The following PCDHA3 variants were observed in gnomAD, a reference collection of about 807,000 sequenced individuals.
The protein encoded by PCDHA3 is protocadherin alpha 3.
In PCDHA3, 41 loss-of-function variants were observed where a neutral mutation model predicts 62.2. The observed-to-expected ratio is 0.66, with a 90% CI of 0.51 to 0.86. The LOEUF is 0.86. Ranked by LOEUF, PCDHA3 falls within the 40% of genes least tolerant of loss-of-function variation. PCDHA3 has a pLI of 0.00. For synonymous variants in PCDHA3, 640 were observed against 555.4 expected, an observed-to-expected ratio of 1.15 and a Z score of -2.14; for missense variants, 1,304 against 1,241.2, an observed-to-expected ratio of 1.05 and a Z score of -0.76.
chr5:140,957,968 T>C (rs1276763203), intron 1 of PCDHA3, among the ~76,000 whole-genome samples: 1 of 152,154 alleles, frequency 6.6e-6, no homozygotes, highest in Non-Finnish European at 1.5e-5. Flanking sequence ...TCAGAGATGC[T>C]GTATAAATAG....
intron 1 of PCDHA3, among the ~76,000 whole-genome samples, chr5:140,914,386 G>A (rs565819670): frequency 2.6e-5 from 4 of 152,216 alleles, no homozygotes; most frequent in East Asian, 1.9e-4. Flanking sequence ...TGTTATAAGT[G>A]TAGTTACCCC....
At chr5:140,833,033 G>T (rs892689957) in intron 1 of PCDHA3, among the ~76,000 whole-genome samples, 2 of 152,156 alleles carry the variant, frequency 1.3e-5, no homozygotes, top group Non-Finnish European at 2.9e-5. Flanking sequence ...GAGAGAGTGT[G>T]ATATAAAGCA....
At chr5:140,875,868 G>A (rs781927681) in intron 1 of PCDHA3, 3 of 1,614,210 alleles carry the variant, frequency 1.9e-6, no homozygotes, top group Non-Finnish European at 8.5e-7. Context: ...ACCCGCCGGT[G>A]TTCAGAGAAA....
At chr5:140,926,775 G>A (rs1563083910) in intron 1 of PCDHA3, 7 of 1,391,106 alleles carry the variant, frequency 5.0e-6, no homozygotes, top group East Asian at 2.6e-5. Context: ...GCCCGCAGCA[G>A]TGACGGCCGG....
At chr5:140,947,371 A>G (rs1468768080) in intron 1 of PCDHA3, among the ~76,000 whole-genome samples, 1 of 151,626 alleles carries the variant, frequency 6.6e-6, no homozygotes, top group Non-Finnish European at 1.5e-5. Context: ...CCTTTGATCT[A>G]TATGTTTATC....
intron 1 of PCDHA3, chr5:140,808,873 G>T (rs782251323): frequency 3.7e-6 from 6 of 1,613,080 alleles, no homozygotes; most frequent in Non-Finnish European, 5.1e-6. Flanking sequence ...ACGACAACGC[G>T]CCAGCACTGC....
intron 1 of PCDHA3, chr5:140,861,445 G>T (rs1196401790): frequency 2.0e-6 from 1 of 494,332 alleles, no homozygotes; most frequent in Non-Finnish European, 4.2e-6. Flanking sequence ...AAAAGCCGCA[G>T]AAACCTTCTG....
At chr5:140,838,077 AGTGTGTGTGTG>A (rs1775481751) in intron 1 of PCDHA3, among the ~76,000 whole-genome samples, 1 of 80,664 alleles carries the variant, frequency 1.2e-5, no homozygotes, top group East Asian at 3.3e-4. Context: ...ATATATATAT[AGTGTGTGTGTG>A]TGTGTGTGTG....
intron 1 of PCDHA3, among the ~76,000 whole-genome samples, chr5:140,936,918 T>C (rs2091208385): frequency 6.6e-6 from 1 of 152,198 alleles, no homozygotes; most frequent in Non-Finnish European, 1.5e-5. Flanking sequence ...CTGTAGAAAA[T>C]ATGGGGTATA....
chr5:140,890,319 A>C (rs2062592452), intron 1 of PCDHA3, among the ~76,000 whole-genome samples: 1 of 152,206 alleles, frequency 6.6e-6, no homozygotes, highest in Admixed American at 6.5e-5. Context: ...AGTTGTTTTA[A>C]GATATTAGGT....
At chr5:140,923,275 C>T (rs1296197801) in intron 1 of PCDHA3, among the ~76,000 whole-genome samples, 1 of 152,128 alleles carries the variant, frequency 6.6e-6, no homozygotes, top group African/African-American at 2.4e-5. Flanking sequence ...CTTGTCTCTA[C>T]AAAAAATTAA....
intron 1 of PCDHA3, among the ~76,000 whole-genome samples, chr5:140,949,594 G>C (rs914390039): frequency 6.6e-6 from 1 of 151,450 alleles, no homozygotes; most frequent in African/African-American, 2.4e-5. Context: ...ATATTAATGT[G>C]GCCATTCTAG....
At position 140,822,970 on chromosome 5, in the gene PCDHA3, A is replaced by C. The variant is rs2150120845; in HGVS notation, c.2394+19379A>C. 1.5e-5 allele frequency: 24 copies of C among 1,614,206 alleles called. No individual in the cohort carries two copies. The East Asian group carries it at 5.1e-4, about 34-fold the overall frequency. The stretch of plus-strand genomic sequence containing the variant: ...CCACGTTCCCTTCAAGCTGGTGTCC[A>C]CCTTCAAGAATTACTACTCGTTGGT... On this transcript the variant is annotated intron_variant, in intron 1 of 3. Transcript: ENST00000522353.
chr5:140,881,886 C>G (rs2058857922), intron 1 of PCDHA3, among the ~76,000 whole-genome samples: 1 of 152,170 alleles, frequency 6.6e-6, no homozygotes, highest in African/African-American at 2.4e-5. Flanking sequence ...AACTCATCAA[C>G]CAATTGTCAG....
At chr5:140,898,906 G>A (rs199581699) in intron 1 of PCDHA3, among the ~76,000 whole-genome samples, 45,464 of 151,416 alleles carry the variant, frequency 0.3, 7,269 homozygotes, top group East Asian at 0.52. Context: ...GGTCCTTCAC[G>A]TCCCTTGTAA....
chr5:140,838,331 C>G (rs1343104365), intron 1 of PCDHA3, among the ~76,000 whole-genome samples: 1 of 149,420 alleles, frequency 6.7e-6, no homozygotes, highest in Admixed American at 6.6e-5. Flanking sequence ...ACCATGTTGC[C>G]CCGGCTGGTC....
rs1291498310 is a variant in PCDHA3, at chr5:140,946,680, G to A, written c.2395-32269G>A. Among the ~76,000 whole-genome samples, 6 of 145,092 alleles carry A rather than the reference G, an allele frequency of 4.1e-5. No homozygotes were observed. In the East Asian group the frequency reaches 9.9e-4, roughly 24 times the overall value. On this transcript the variant is annotated intron_variant, in intron 1 of 3. Coordinates refer to ENST00000522353, the MANE Select transcript of PCDHA3 (RefSeq NM_018906.3). ...TAGAAAGAATGAAATCCTGTCATTCGTGACAATATGGATGAATCTGGAGGT... is the reference window on the plus strand; with the variant it reads ...TAGAAAGAATGAAATCCTGTCATTCATGACAATATGGATGAATCTGGAGGT...
chr5:140,932,261 T>C (rs1554208805), intron 1 of PCDHA3, among the ~76,000 whole-genome samples: 1 of 151,922 alleles, frequency 6.6e-6, no homozygotes, highest in East Asian at 1.9e-4. Context: ...CTCTGAGATA[T>C]AAATTTCTAC....
At chr5:140,857,085 C>T in intron 1 of PCDHA3, 2 of 1,596,752 alleles carry the variant, frequency 1.3e-6, no homozygotes, top group Non-Finnish European at 8.6e-7. Context: ...AATGATAATT[C>T]ACCTGAGGTG....
Sources: gnomAD v4.1 joint callset for allele counts (sites outside exome capture counted in the v4.1 genomes callset) on GRCh38, gnomAD v4.1.1 for gene constraint, MANE v1.5 for transcripts, NCBI Gene and HGNC (gene_info 2026-07-23, HGNC 2026-07-21) for gene names.